Variants in MASP1 observed in about 807,000 individuals in gnomAD.
MASP1 encodes the protein MBL associated serine protease 1, also known as mannan-binding lectin serine protease 1.
A neutral mutation model predicts 77.1 loss-of-function variants in MASP1; 59 were observed. That is an observed-to-expected ratio of 0.77 (90% CI 0.62 to 0.95). The LOEUF is 0.95. MASP1 is among the 40% of genes least tolerant of loss of function. MASP1 has a pLI of 0.00. For missense variants in MASP1, 885 were observed against 912.9 expected (o/e 0.97, Z 0.39); for synonymous variants, 362 against 354.5 (o/e 1.02, Z -0.24).
chr3:187,259,066 C>A (rs1213417739), intron 4 of MASP1, among the ~76,000 whole-genome samples: 1 of 152,220 alleles, frequency 6.6e-6, no homozygotes, highest in Non-Finnish European at 1.5e-5. Context: ...TCGTTCCCCA[C>A]TGCATTTACT....
chr3:187,258,279 A>T (rs1715269026), intron 4 of MASP1, among the ~76,000 whole-genome samples: 1 of 152,202 alleles, frequency 6.6e-6, no homozygotes, highest in African/African-American at 2.4e-5. Flanking sequence ...TTCTTTTGAT[A>T]AGAGACTTCT....
intron 2 of MASP1, among the ~76,000 whole-genome samples, chr3:187,279,013 C>T (rs556250766): frequency 7.3e-5 from 11 of 151,240 alleles, no homozygotes; most frequent in South Asian, 4.2e-4. Flanking sequence ...TCTAATTGGA[C>T]GTCCTAGACT....
rs1336484949 is a variant in MASP1, at chr3:187,235,204, G to T, written c.*480C>A. ...GCTCTTCTCCTAGAGGAAGGATTAG[G>T]CCAAGGCTAGTCCCAGAAGGCAGAG... On this transcript the variant is annotated 3_prime_UTR_variant, in exon 11 of 11. Coordinates refer to ENST00000296280, the MANE Select transcript of MASP1 (RefSeq NM_139125.4). 1 of 1,288,326 alleles carries T rather than the reference G, an allele frequency of 7.8e-7. No individual in the cohort carries two copies. The highest frequency in any genetic ancestry group is 1.5e-5 in the African/African-American group (1 of 65,858). The allele number at this position is 1,288,326 out of a possible 1,614,324, so 79.8% of individuals were successfully genotyped here. A position where few individuals can be genotyped will look rare whatever the true frequency, so the allele number is the denominator to read the frequency against.
At chr3:187,268,618 T>C (rs1716256220) in intron 2 of MASP1, among the ~76,000 whole-genome samples, 1 of 152,054 alleles carries the variant, frequency 6.6e-6, no homozygotes, top group Non-Finnish European at 1.5e-5. Context: ...GCTAAGGAGA[T>C]CTCTAGACAG....
chr3:187,289,742 A>G (rs1248429913), intron 1 of MASP1, among the ~76,000 whole-genome samples: 1 of 152,244 alleles, frequency 6.6e-6, no homozygotes, highest in Non-Finnish European at 1.5e-5. Flanking sequence ...CTAGTGGAAT[A>G]TAGTAGAAAA....
Position 187,262,554 on chromosome 3 carries a change from T to C in MASP1, c.404A>G (p.Tyr135Cys). The C allele has an allele frequency of 6.2e-7, 1 of 1,614,044 alleles. No homozygotes were observed. Among genetic ancestry groups the C allele is most frequent in the Non-Finnish European group, 8.5e-7 (1 of 1,179,976 alleles). ...EERFTGFDAH[Y>C]MAVDVDECKE... is the part of the protein sequence containing the mutation. ...CTTCTCCAACTTACCCACAGCCATG[T>C]AGTGGGCATCAAAGCCTGTGAAACG... The change falls in exon 3 of 11, where the codon TAC becomes TGC. Residue 135 changes from tyrosine (Y) to cysteine (C), a missense_variant. Coordinates refer to ENST00000296280, the MANE Select transcript of MASP1 (RefSeq NM_139125.4).
chr3:187,245,672 A>T (rs139950788), intron 8 of MASP1, among the ~76,000 whole-genome samples: 2 of 152,298 alleles, frequency 1.3e-5, no homozygotes, highest in Admixed American at 6.5e-5. Flanking sequence ...TGGCACAATC[A>T]GCACACACTA....
chr3:187,238,600 G>GTCTT (rs1334225913), intron 10 of MASP1, among the ~76,000 whole-genome samples: 1 of 152,064 alleles, frequency 6.6e-6, no homozygotes, highest in Admixed American at 6.5e-5. Flanking sequence ...CTGAGGGAGG[G>GTCTT]TCTTTAAAAA....
intron 8 of MASP1, among the ~76,000 whole-genome samples, chr3:187,245,938 G>A (rs1199656914): frequency 1.3e-5 from 2 of 152,198 alleles, no homozygotes; most frequent in African/African-American, 4.8e-5. Flanking sequence ...AGAACGATGT[G>A]CAATCAGCTA....
chr3:187,234,913 G>A lies in MASP1; in HGVS notation c.*771C>T, dbSNP rs1472266881. The A allele has an allele frequency of 7.8e-7, 1 of 1,287,164 alleles. No homozygotes were observed. Among genetic ancestry groups the A allele is most frequent in the Non-Finnish European group, 1.0e-6 (1 of 988,646 alleles). The allele number at this position is 1,287,164 out of a possible 1,614,324, so 79.7% of individuals were successfully genotyped here. ...CCATGGTGTCAGCTGGTGTTCCAGGGTGGCATATGGGCCCAAATGTGTTCT... is the reference window on the plus strand; with the variant it reads ...CCATGGTGTCAGCTGGTGTTCCAGGATGGCATATGGGCCCAAATGTGTTCT... On this transcript the variant is annotated 3_prime_UTR_variant, in exon 11 of 11. Transcript: ENST00000296280.
chr3:187,248,909 A>G lies in MASP1; in HGVS notation c.1090+1342T>C, dbSNP rs922986716. ...TCTTCCTGGGATTTGCGTTAAGGGA[A>G]TGTCCCCCTTGGGACAATGGCAGGA... On this transcript the variant is annotated intron_variant, in intron 8 of 10. Transcript: ENST00000296280. Among the ~76,000 whole-genome samples, 11 of 152,324 alleles carry G rather than the reference A, an allele frequency of 7.2e-5. 1 individual carries two copies. Among genetic ancestry groups the G allele is most frequent in the African/African-American group, 2.6e-4 (11 of 41,570 alleles).
chr3:187,245,096 C>G (rs1190839773), intron 8 of MASP1: 1 of 152,196 alleles, frequency 6.6e-6, no homozygotes, highest in Non-Finnish European at 1.5e-5. Flanking sequence ...TCACCCTGGA[C>G]AAATCATCTC....
At chr3:187,284,144 T>C (rs555423903) in intron 2 of MASP1, among the ~76,000 whole-genome samples, 1 of 152,346 alleles carries the variant, frequency 6.6e-6, no homozygotes, top group South Asian at 2.1e-4. Context: ...TCATTCTTTA[T>C]CAGTTAGTCT....
intron 2 of MASP1, among the ~76,000 whole-genome samples, chr3:187,283,491 G>T (rs1463040727): frequency 6.6e-6 from 1 of 152,144 alleles, no homozygotes; most frequent in Non-Finnish European, 1.5e-5. Flanking sequence ...GTCTGAAAAA[G>T]AATCAAACTT....
chr3:187,232,538 T>C (rs1041440460), downstream of MASP1, among the ~76,000 whole-genome samples: 10 of 152,156 alleles, frequency 6.6e-5, no homozygotes, highest in African/African-American at 2.2e-4. Context: ...CCTTTGTTTT[T>C]CCAGATGTCT....
chr3:187,248,868 T>A (rs1034245667), intron 8 of MASP1, among the ~76,000 whole-genome samples: 1 of 152,208 alleles, frequency 6.6e-6, no homozygotes, highest in African/African-American at 2.4e-5. Context: ...AGAACAATCG[T>A]ATTTTACTTC....
Position 187,236,521 on chromosome 3 carries a change from G to A in MASP1, c.1350C>T (p.Ile450=), listed in dbSNP as rs143748671. The change falls in exon 11 of 11, where the codon ATC becomes ATT. Residue 450 remains isoleucine (I), a synonymous_variant. Transcript: ENST00000296280. ...SRSLPSLVKR[I]IGGRNAEPGL... ...CAGGCTCAGCATTTCGGCCCCCAAT[G>A]ATCCTCTTGACCAGGCTTGGCAGGG... is the stretch of plus-strand genomic sequence containing the variant. 3.7e-5 allele frequency: 59 copies of A among 1,614,046 alleles called. No individual in the cohort carries two copies. In the African/African-American group the frequency reaches 6.5e-4, roughly 18 times the overall value.
In MASP1 at chr3:187,247,061, T is replaced by A. The variant is rs1579505537; in HGVS notation, c.1090+3190A>T. On this transcript the variant is annotated intron_variant, in intron 8 of 10. Transcript: ENST00000296280. The stretch of plus-strand genomic sequence containing the variant: ...TTTTTTTCCGTTGAGAAAAGTACAG[T>A]CCACTCAGAGGTGCTAAAATAAATC... 3 of 1,363,442 alleles carry A rather than the reference T, an allele frequency of 2.2e-6. No homozygotes were observed. In the African/African-American group the frequency reaches 4.4e-5, roughly 20 times the overall value. The allele number at this position is 1,363,442 out of a possible 1,614,324, so 84.5% of individuals were successfully genotyped here.
chr3:187,270,604 G>A (rs192246844), intron 2 of MASP1, among the ~76,000 whole-genome samples: 17 of 152,220 alleles, frequency 1.1e-4, no homozygotes, highest in African/African-American at 2.6e-4. Flanking sequence ...ATCCCATGCC[G>A]TGGTCCCTAT....
Sources: allele counts gnomAD v4.1 joint callset (sites outside exome capture counted in the v4.1 genomes callset), GRCh38; gene constraint gnomAD v4.1.1; transcripts MANE v1.5; gene names NCBI Gene and HGNC (gene_info 2026-07-23, HGNC 2026-07-21).